The following BRIP1 variants were observed in gnomAD, a reference collection of about 807,000 sequenced individuals.
The protein encoded by BRIP1 is BRCA1 interacting DNA helicase 1, also known as Fanconi anemia group J protein.
BRIP1 carries 88 observed loss-of-function variants against 119.7 expected under a neutral mutation model. The observed-to-expected ratio is 0.74, with a 90% CI of 0.62 to 0.88. The LOEUF (loss-of-function observed/expected upper bound fraction) is 0.88. BRIP1 is among the 40% of genes least tolerant of loss of function. BRIP1 has a pLI of 0.00. For synonymous variants in BRIP1, 443 were observed against 496.5 expected (o/e 0.89, Z 1.43); for missense variants, 1,259 against 1,455.4 (o/e 0.87, Z 2.20).
At chr17:61,817,211 C>T (rs1322401261) in intron 6 of BRIP1, among the ~76,000 whole-genome samples, 1 of 151,880 alleles carries the variant, frequency 6.6e-6, no homozygotes, top group African/African-American at 2.4e-5. Context: ...TCAAAAAGAA[C>T]CTGGGAATAG....
chr17:61,770,927 T>C lies in BRIP1; in HGVS notation c.2097+5474A>G, dbSNP rs554801787. Among the ~76,000 whole-genome samples the C allele has an allele frequency of 4.3e-4, 66 of 152,270 alleles. No individual in the cohort carries two copies. Among genetic ancestry groups the C allele is most frequent in the African/African-American group, 1.6e-3 (66 of 41,572 alleles). On this transcript the variant is annotated intron_variant, in intron 14 of 19. Transcript: ENST00000259008. This position sits in a 1 kb window ranked among gnomAD's most constrained non-coding sequence, Gnocchi z 4.7. The stretch of plus-strand genomic sequence containing the variant: ...AAAGTGGCATTTGTAAACACTACCT[T>C]AGCACTAATTACATTAAACGTAAAT...
rs2061445579 is a variant in BRIP1, at chr17:61,691,425, A to G, written c.2575+2005T>C. On this transcript the variant is annotated intron_variant, in intron 18 of 19. Transcript: ENST00000259008. This position sits in a 1 kb window ranked among gnomAD's most constrained non-coding sequence, Gnocchi z 5.0. ...AGATATCCCATGTTCACAGATTGGA[A>G]CACCTAATATTGTCAGAATGTCCAT... 6.6e-6 allele frequency among the ~76,000 whole-genome samples: 1 copy of G among 152,136 alleles called. No homozygotes were observed. Among genetic ancestry groups the G allele is most frequent in the African/African-American group, 2.4e-5 (1 of 41,434 alleles).
At chr17:61,812,150 C>T (rs1225449620) in intron 6 of BRIP1, among the ~76,000 whole-genome samples, 2 of 151,882 alleles carry the variant, frequency 1.3e-5, no homozygotes, top group Admixed American at 1.3e-4. Context: ...TCAGAATATC[C>T]CCCAATCAAA....
chr17:61,790,670 T>G (rs2077802593), intron 10 of BRIP1, among the ~76,000 whole-genome samples: 1 of 152,100 alleles, frequency 6.6e-6, no homozygotes, highest in Non-Finnish European at 1.5e-5. Context: ...AACAGGGTCT[T>G]GCTCTGTGCC....
rs1022510594 is a variant in BRIP1 at position 61,851,884 on chromosome 17, C to T, written c.380-2628G>A. On this transcript the variant is annotated intron_variant, in intron 4 of 19. Transcript: ENST00000259008. This position sits in a 1 kb window ranked among gnomAD's most constrained non-coding sequence, Gnocchi z 4.6. Reference sequence around the variant, plus strand: ...AATTTTAACACCACCACTTCTCATCCCAGGCATACTGGGCAATGTCTGGAG... The same window carrying T: ...AATTTTAACACCACCACTTCTCATCTCAGGCATACTGGGCAATGTCTGGAG... Among the ~76,000 whole-genome samples, 2 of 152,156 alleles carry T rather than the reference C, an allele frequency of 1.3e-5. No homozygotes were observed. Among genetic ancestry groups the T allele is most frequent in the African/African-American group, 2.4e-5 (1 of 41,408 alleles).
intron 3 of BRIP1, 24 bp downstream of exon 3, chr17:61,859,772 T>C (rs1328437919): frequency 6.9e-7 from 1 of 1,458,886 alleles, no homozygotes; most frequent in African/African-American, 1.4e-5. Context: ...GTAAGTAACC[T>C]GAAGATATCA....
intron 17 of BRIP1, among the ~76,000 whole-genome samples, chr17:61,696,551 A>G (rs1205491425): frequency 6.6e-6 from 1 of 152,068 alleles, no homozygotes. Flanking sequence ...AATTTTTGGT[A>G]GAATTCACCA....
intron 14 of BRIP1, among the ~76,000 whole-genome samples, chr17:61,771,837 C>G (rs2077452673): frequency 1.3e-5 from 2 of 151,976 alleles, no homozygotes; most frequent in African/African-American, 4.8e-5. Flanking sequence ...TGGCGGACAC[C>G]TGTAATCCCA....
rs938934752 is a variant in BRIP1 at position 61,857,615 on chromosome 17, T to C, written c.206-384A>G. On this transcript the variant is annotated intron_variant, in intron 3 of 19. Coordinates refer to ENST00000259008, the MANE Select transcript of BRIP1 (RefSeq NM_032043.3). The surrounding 1 kb of genome is among the most constrained non-coding windows in gnomAD (Gnocchi z 5.1). ...AGTGCACGCCTGTAATACCACCTAC[T>C]CAGGAGGCTGAGGCAGGAGAATCGC... Among the ~76,000 whole-genome samples the C allele has an allele frequency of 6.6e-6, 1 of 151,956 alleles. No homozygotes were observed. Among genetic ancestry groups the C allele is most frequent in the African/African-American group, 2.4e-5 (1 of 41,376 alleles).
Position 61,778,982 on chromosome 17 carries a change from C to A in BRIP1, c.1935+1279G>T, listed in dbSNP as rs2077574789. Reference sequence around the variant, plus strand: ...TTAACCACTTTAGCATTAACCACAGCTTAACATCACCTGTGTGCCTAACCA... The same window carrying A: ...TTAACCACTTTAGCATTAACCACAGATTAACATCACCTGTGTGCCTAACCA... On this transcript the variant is annotated intron_variant, in intron 13 of 19. Transcript: ENST00000259008. The surrounding 1 kb of genome is among the most constrained non-coding windows in gnomAD (Gnocchi z 4.4). Among the ~76,000 whole-genome samples, 2 of 152,076 alleles carry A rather than the reference C, an allele frequency of 1.3e-5. No individual in the cohort carries two copies. Among genetic ancestry groups the A allele is most frequent in the African/African-American group, 4.8e-5 (2 of 41,440 alleles).
chr17:61,793,582 GAA>G lies in BRIP1; in HGVS notation c.1473+13_1473+14del, dbSNP rs876660968. 2 of 1,596,666 alleles carry G rather than the reference GAA, an allele frequency of 1.3e-6. No individual in the cohort carries two copies. The highest frequency in any genetic ancestry group is 2.7e-5 in the African/African-American group (2 of 74,640). On this transcript the variant is annotated intron_variant, in intron 10 of 19. Transcript: ENST00000259008. The surrounding 1 kb of genome is among the most constrained non-coding windows in gnomAD (Gnocchi z 5.2). ...ATTCACTAAATACGTTTCACAGGTA[GAA>G]AAAATATCTTACCTGCAAAATGGGA...
rs1358562878 is a variant in BRIP1 at position 61,700,733 on chromosome 17, T to C, written c.2493-7221A>G. ...TTTCAGCCATAATTTCTTTAAATAT[T>C]CTTTCTATTCTTTTTTCTCTCCTCT... On this transcript the variant is annotated intron_variant, in intron 17 of 19. Transcript: ENST00000259008. This position sits in a 1 kb window ranked among gnomAD's most constrained non-coding sequence, Gnocchi z 4.1. Among the ~76,000 whole-genome samples the C allele has an allele frequency of 6.6e-6, 1 of 152,160 alleles. No homozygotes were observed. Among genetic ancestry groups the C allele is most frequent in the East Asian group, 1.9e-4 (1 of 5,200 alleles).
At chr17:61,819,857 T>C (rs2078294720) in intron 6 of BRIP1, among the ~76,000 whole-genome samples, 1 of 152,146 alleles carries the variant, frequency 6.6e-6, no homozygotes, top group African/African-American at 2.4e-5. Context: ...AATGTAATTG[T>C]ACATTTCAAA....
Position 61,843,321 on chromosome 17 carries a change from A to G in BRIP1, c.627+3780T>C, listed in dbSNP as rs556106211. 2.6e-5 allele frequency among the ~76,000 whole-genome samples: 4 copies of G among 152,162 alleles called. No individual in the cohort carries two copies. Among genetic ancestry groups the G allele is most frequent in the Non-Finnish European group, 4.4e-5 (3 of 68,032 alleles). On this transcript the variant is annotated intron_variant, in intron 6 of 19. Coordinates refer to ENST00000259008, the MANE Select transcript of BRIP1 (RefSeq NM_032043.3). This position sits in a 1 kb window ranked among gnomAD's most constrained non-coding sequence, Gnocchi z 5.7. ...CATCATGACAACAGTTAATAATACT[A>G]TATTCTAGGCTGGATATTTCGATAT... is the stretch of plus-strand genomic sequence containing the variant.
chr17:61,859,247 A>C (rs1470765070), intron 3 of BRIP1, among the ~76,000 whole-genome samples: 4 of 151,966 alleles, frequency 2.6e-5, no homozygotes, highest in Non-Finnish European at 4.4e-5. Context: ...TTCCCCCCCC[A>C]AAAAAAGCAA....
In BRIP1 at chr17:61,680,291, G is replaced by T. The variant is rs2061254492; in HGVS notation, c.*3005C>A. Among the ~76,000 whole-genome samples, 1 of 151,750 alleles carries T rather than the reference G, an allele frequency of 6.6e-6. No individual in the cohort carries two copies. The highest frequency in any genetic ancestry group is 1.5e-5 in the Non-Finnish European group (1 of 67,954). ...CGCTTTAACCTGCGAGGCAGAGGTT[G>T]CAGTGAGCCAAGATCGTGCCTTTGC... On this transcript the variant is annotated 3_prime_UTR_variant, in exon 20 of 20. Transcript: ENST00000259008.
rs1443926644 is a variant in BRIP1, at chr17:61,778,446, G to A, written c.1935+1815C>T. Among the ~76,000 whole-genome samples, 1 of 152,088 alleles carries A rather than the reference G, an allele frequency of 6.6e-6. No homozygotes were observed. The highest frequency in any genetic ancestry group is 1.5e-5 in the Non-Finnish European group (1 of 68,018). ...TATACATACTTAATAAGACTGAGCT[G>A]TATACTCAAAAATGGTTAAGATGGT... On this transcript the variant is annotated intron_variant, in intron 13 of 19. Coordinates refer to ENST00000259008, the MANE Select transcript of BRIP1 (RefSeq NM_032043.3). This position sits in a 1 kb window ranked among gnomAD's most constrained non-coding sequence, Gnocchi z 4.4.
chr17:61,750,244 T>A (rs2077113987), intron 14 of BRIP1, among the ~76,000 whole-genome samples: 2 of 152,228 alleles, frequency 1.3e-5, no homozygotes, highest in South Asian at 2.1e-4. Context: ...TTTTGTCAAA[T>A]GCTTTTTTGC....
In BRIP1 at chr17:61,734,338, G is replaced by T. The variant is rs1389180456; in HGVS notation, c.2379+8675C>A. ...TCCATCGACATCTAGTCATATAAAAGCCTTGGTTCATTCTCATGCCCCTCA... is the reference window on the plus strand; with the variant it reads ...TCCATCGACATCTAGTCATATAAAATCCTTGGTTCATTCTCATGCCCCTCA... On this transcript the variant is annotated intron_variant, in intron 16 of 19. Transcript: ENST00000259008. The surrounding 1 kb of genome is among the most constrained non-coding windows in gnomAD (Gnocchi z 5.2). Among the ~76,000 whole-genome samples, 1 of 152,144 alleles carries T rather than the reference G, an allele frequency of 6.6e-6. No homozygotes were observed. Among genetic ancestry groups the T allele is most frequent in the Non-Finnish European group, 1.5e-5 (1 of 68,018 alleles).
Sources: gnomAD v4.1 joint callset for allele counts (sites outside exome capture counted in the v4.1 genomes callset) on GRCh38, gnomAD v4.1.1 for gene constraint, Gnocchi (gnomAD v3.1) non-coding constraint, MANE v1.5 for transcripts, NCBI Gene and HGNC (gene_info 2026-07-23, HGNC 2026-07-21) for gene names.